The following NHSL2 variants were observed in gnomAD, a reference collection of about 807,000 sequenced individuals.
NHSL2 encodes the protein NHS like 2.
NHSL2 carries 27 observed loss-of-function variants against 53.4 expected under a neutral mutation model. That is an observed-to-expected ratio of 0.51 (90% CI 0.37 to 0.70). The LOEUF is 0.70. NHSL2 is among the 30% of genes least tolerant of loss of function. The pLI, the probability that NHSL2 is intolerant of heterozygous loss-of-function variation, is 0.00. For synonymous variants in NHSL2, 408 were observed against 404.1 expected, an observed-to-expected ratio of 1.01 and a Z score of -0.12; for missense variants, 892 against 980.1, an observed-to-expected ratio of 0.91 and a Z score of 1.20.
chrX:72,089,040 C>CTTA (rs1348398291), intron 1 of NHSL2, among the ~76,000 whole-genome samples: 18 of 111,369 alleles, frequency 1.6e-4, no homozygotes, highest in African/African-American at 5.9e-4. Context: ...AACACATTTC[C>CTTA]TGTCCTCCAG....
At chrX:72,032,438 A>G (rs1423065821) in intron 1 of NHSL2, among the ~76,000 whole-genome samples, 1 of 111,213 alleles carries the variant, frequency 9.0e-6, no homozygotes. Context: ...GAACTGTTGC[A>G]TCACCACAAA....
intron 1 of NHSL2, among the ~76,000 whole-genome samples, chrX:72,060,443 C>A (rs2042393497): frequency 8.9e-6 from 1 of 112,619 alleles, no homozygotes; most frequent in South Asian, 3.6e-4. Flanking sequence ...AAGTTACTTG[C>A]CCTCTCTGGG....
chrX:71,968,140 G>T lies in NHSL2; in HGVS notation c.280+56773G>T, dbSNP rs767220365. On this transcript the variant is annotated intron_variant, in intron 1 of 7. Coordinates refer to ENST00000633930, the MANE Select transcript of NHSL2 (RefSeq NM_001013627.3). ...GCCTCCCTAGTATCTGGGACCACAG[G>T]CACACACCACCATGCCTGGCTAATT... Among the ~76,000 whole-genome samples the T allele has an allele frequency of 1.1e-4, 12 of 109,334 alleles. No individual in the cohort carries two copies. The South Asian group carries it at 4.9e-3, about 45-fold the overall frequency. The allele number at this position is 109,334 out of a possible 115,157, so 94.9% of individuals were successfully genotyped here.
intron 1 of NHSL2, among the ~76,000 whole-genome samples, chrX:72,069,384 G>A (rs934728649): frequency 1.4e-4 from 15 of 108,744 alleles, no homozygotes; most frequent in African/African-American, 4.7e-4. Context: ...TGAGCAAGGG[G>A]GAGGGGGAAA....
At chrX:72,117,292 T>G (rs886090415) in intron 1 of NHSL2, among the ~76,000 whole-genome samples, 1 of 101,523 alleles carries the variant, frequency 9.8e-6, no homozygotes, top group Non-Finnish European at 2.0e-5. Context: ...CACTATAGGA[T>G]CTAGTATGAT....
At chrX:72,002,151 C>T (rs1328789052) in intron 1 of NHSL2, among the ~76,000 whole-genome samples, 3 of 111,667 alleles carry the variant, frequency 2.7e-5, no homozygotes, top group Non-Finnish European at 3.8e-5. Context: ...TTGGCATGGC[C>T]GGGTGGCAGC....
chrX:72,048,013 C>G (rs1441635347), intron 1 of NHSL2, among the ~76,000 whole-genome samples: 5 of 108,862 alleles, frequency 4.6e-5, no homozygotes, highest in Non-Finnish European at 9.5e-5. Flanking sequence ...TCTGTCCACA[C>G]TGGTTCAGTG....
At chrX:72,022,816 T>C (rs2042166679) in intron 1 of NHSL2, among the ~76,000 whole-genome samples, 1 of 111,556 alleles carries the variant, frequency 9.0e-6, no homozygotes, top group South Asian at 3.8e-4. Context: ...TTTTTGATCC[T>C]AGATGCTGCT....
chrX:72,084,854 A>G (rs763298348), intron 1 of NHSL2, among the ~76,000 whole-genome samples: 3 of 111,806 alleles, frequency 2.7e-5, no homozygotes, highest in East Asian at 2.8e-4. Context: ...GCTAAAAGAC[A>G]GAATGGCTGG....
At chrX:72,041,994 G>A (rs748927575) in intron 1 of NHSL2, among the ~76,000 whole-genome samples, 2 of 111,981 alleles carry the variant, frequency 1.8e-5, no homozygotes, top group Non-Finnish European at 3.8e-5. Flanking sequence ...TCAGGTCTGG[G>A]TTTCCCTACA....
chrX:71,952,473 A>G (rs1195406094), intron 1 of NHSL2, among the ~76,000 whole-genome samples: 2 of 111,714 alleles, frequency 1.8e-5, no homozygotes, highest in African/African-American at 6.5e-5. Flanking sequence ...GAGGCTGGAA[A>G]GTCCAAGATA....
At chrX:72,034,507 A>G (rs1271646917) in intron 1 of NHSL2, among the ~76,000 whole-genome samples, 1 of 111,368 alleles carries the variant, frequency 9.0e-6, no homozygotes, top group Non-Finnish European at 1.9e-5. Context: ...ATTGGTGTTA[A>G]TTTTTCTTTA....
In NHSL2 at chrX:71,979,985, T is replaced by G. The variant is rs573932000; in HGVS notation, c.280+68618T>G. On this transcript the variant is annotated intron_variant, in intron 1 of 7. Coordinates refer to ENST00000633930, the MANE Select transcript of NHSL2 (RefSeq NM_001013627.3). ...AGTTTCAGCTTTCTACATATGGCTA[T>G]CCAGTTTTCCCAGCACCATTTATTA... Among the ~76,000 whole-genome samples the G allele has an allele frequency of 1.4e-4, 16 of 112,211 alleles. No individual in the cohort carries two copies. The South Asian group carries it at 4.8e-3, about 34-fold the overall frequency.
At chrX:72,082,089 C>T (rs1211018486) in intron 1 of NHSL2, among the ~76,000 whole-genome samples, 1 of 111,958 alleles carries the variant, frequency 8.9e-6, no homozygotes, top group Non-Finnish European at 1.9e-5. Context: ...GACCCTTCAA[C>T]TTTCTTATCT....
At chrX:72,052,038 G>C (rs1242921903) in intron 1 of NHSL2, among the ~76,000 whole-genome samples, 2 of 112,198 alleles carry the variant, frequency 1.8e-5, no homozygotes, top group East Asian at 5.5e-4. Context: ...CAGACATAAA[G>C]CCTCTTGACT....
chrX:72,115,019 G>T (rs1410036643), intron 1 of NHSL2, among the ~76,000 whole-genome samples: 1 of 111,920 alleles, frequency 8.9e-6, no homozygotes, highest in Non-Finnish European at 1.9e-5. Flanking sequence ...GCCCTGGAAT[G>T]CAGACAGGGT....
At chrX:72,016,467 G>C (rs1202741557) in intron 1 of NHSL2, among the ~76,000 whole-genome samples, 1 of 111,904 alleles carries the variant, frequency 8.9e-6, no homozygotes, top group African/African-American at 3.3e-5. Flanking sequence ...TTTTCACATG[G>C]ATTTTAGAAT....
At chrX:72,041,010 G>T (rs1381668754) in intron 1 of NHSL2, among the ~76,000 whole-genome samples, 1 of 112,343 alleles carries the variant, frequency 8.9e-6, no homozygotes, top group African/African-American at 3.2e-5. Flanking sequence ...CGTTGGGCTA[G>T]ATGTAGTGAG....
intron 1 of NHSL2, among the ~76,000 whole-genome samples, chrX:71,912,043 C>A (rs2041606476): frequency 8.9e-6 from 1 of 112,242 alleles, no homozygotes; most frequent in African/African-American, 3.2e-5. Flanking sequence ...CCCACTACCG[C>A]TAGGGTCTGG....
Sources: allele counts gnomAD v4.1 joint callset (sites outside exome capture counted in the v4.1 genomes callset), GRCh38; gene constraint gnomAD v4.1.1; transcripts MANE v1.5; gene names NCBI Gene and HGNC (gene_info 2026-07-23, HGNC 2026-07-21).